ROR2: variants seen among roughly 807,000 people sequenced by gnomAD.
ROR2 encodes ROR family WNT receptor 2.
Under a neutral mutation model 74.9 loss-of-function variants are expected in ROR2, and 33 were observed. The ratio of observed to expected loss-of-function variants is 0.44; its 90% CI spans 0.33 to 0.59. ROR2 has a LOEUF of 0.59. ROR2 is among the 20% of genes least tolerant of loss of function. The probability of loss-of-function intolerance (pLI) is 0.02; values close to 1 mark genes in which losing one functional copy is unlikely to be tolerated. For missense variants in ROR2, 1,216 were observed against 1,313.8 expected (o/e 0.93, Z 1.15); for synonymous variants, 586 against 558.7 (o/e 1.05, Z -0.69).
intron 1 of ROR2, among the ~76,000 whole-genome samples, chr9:91,890,838 T>G (rs538071678): frequency 6.6e-6 from 1 of 152,290 alleles, no homozygotes; most frequent in Non-Finnish European, 1.5e-5. Context: ...TTTTATGGAG[T>G]TAACTAGGCC....
chr9:91,774,885 A>G (rs533586296), intron 2 of ROR2, among the ~76,000 whole-genome samples: 8 of 152,204 alleles, frequency 5.3e-5, no homozygotes, highest in Non-Finnish European at 1.2e-4. Context: ...AGAAGGGTCA[A>G]TTTCTCTGTT....
At chr9:91,893,363 C>T (rs1830469058) in intron 1 of ROR2, among the ~76,000 whole-genome samples, 1 of 152,072 alleles carries the variant, frequency 6.6e-6, no homozygotes, top group African/African-American at 2.4e-5. Context: ...TTGCTTGAAC[C>T]AGGAAGGCGG....
At chr9:91,842,951 T>C (rs1234908615) in intron 1 of ROR2, among the ~76,000 whole-genome samples, 2 of 152,240 alleles carry the variant, frequency 1.3e-5, no homozygotes, top group African/African-American at 4.8e-5. Flanking sequence ...GAGAGCTGCC[T>C]AAACACCCTT....
intron 1 of ROR2, among the ~76,000 whole-genome samples, chr9:91,894,885 A>G (rs755675710): frequency 8.5e-5 from 13 of 152,208 alleles, no homozygotes; most frequent in Non-Finnish European, 1.5e-4. Flanking sequence ...TTTCTTACAA[A>G]GCTAAACACA....
intron 1 of ROR2, among the ~76,000 whole-genome samples, chr9:91,928,064 G>GA (rs1199688248): frequency 6.6e-6 from 1 of 151,964 alleles, no homozygotes; most frequent in African/African-American, 2.4e-5. Context: ...AACCACCCTA[G>GA]AGCCCCACTT....
chr9:91,878,940 G>A (rs1264186417), intron 1 of ROR2, among the ~76,000 whole-genome samples: 8 of 152,166 alleles, frequency 5.3e-5, no homozygotes, highest in African/African-American at 1.7e-4. Context: ...TACTCAGGAG[G>A]CTGAGGCAGG....
At chr9:91,775,591 A>C (rs929680563) in intron 2 of ROR2, 150 bp downstream of exon 2, 7 of 723,712 alleles carry the variant, frequency 9.7e-6, no homozygotes, top group Non-Finnish European at 1.7e-5. Context: ...AAACACAGGA[A>C]TCAAGGTGGC....
chr9:91,884,343 G>A (rs946529099), intron 1 of ROR2, among the ~76,000 whole-genome samples: 1 of 152,026 alleles, frequency 6.6e-6, no homozygotes, highest in Non-Finnish European at 1.5e-5. Context: ...ATGTGTGTTG[G>A]TGGGTACCCC....
intron 1 of ROR2, among the ~76,000 whole-genome samples, chr9:91,922,112 C>A (rs113239938): frequency 1.3e-5 from 2 of 151,086 alleles, no homozygotes; most frequent in African/African-American, 4.8e-5. Context: ...ACAACAACAA[C>A]AACAACAACA....
intron 1 of ROR2, among the ~76,000 whole-genome samples, chr9:91,885,980 T>A (rs574814993): frequency 6.6e-6 from 1 of 151,708 alleles, no homozygotes; most frequent in Admixed American, 6.6e-5. Context: ...TTCAAGCGAT[T>A]TTCCTGCCTC....
At chr9:91,789,008 C>T (rs986223807) in intron 1 of ROR2, among the ~76,000 whole-genome samples, 4 of 151,848 alleles carry the variant, frequency 2.6e-5, no homozygotes, top group African/African-American at 7.3e-5. Context: ...TGGGGGAGGT[C>T]GGTCAATGGG....
At chr9:91,846,552 G>A (rs925450513) in intron 1 of ROR2, among the ~76,000 whole-genome samples, 8 of 152,090 alleles carry the variant, frequency 5.3e-5, no homozygotes, top group African/African-American at 1.9e-4. Flanking sequence ...CAGGGCATCT[G>A]GAGCCTACAG....
At chr9:91,741,383 G>A (rs1198412683) in intron 4 of ROR2, among the ~76,000 whole-genome samples, 2 of 150,818 alleles carry the variant, frequency 1.3e-5, no homozygotes, top group Non-Finnish European at 3.0e-5. Context: ...ACAGGAGAGG[G>A]GTAGGAGATC....
chr9:91,852,625 A>ACACACACACACT (rs1829134839), intron 1 of ROR2, among the ~76,000 whole-genome samples: 1 of 10,740 alleles, frequency 9.3e-5, no homozygotes. Flanking sequence ...AAACACACAA[A>ACACACACACACT]CACACACACA....
chr9:91,933,415 C>T (rs1305281034), intron 1 of ROR2, among the ~76,000 whole-genome samples: 2 of 152,072 alleles, frequency 1.3e-5, no homozygotes, highest in Non-Finnish European at 2.9e-5. Context: ...TCACTACAGA[C>T]CTGTTTCAAG....
At chr9:91,837,134 GCTTA>G (rs1451934401) in intron 1 of ROR2, among the ~76,000 whole-genome samples, 3 of 111,704 alleles carry the variant, frequency 2.7e-5, no homozygotes, top group African/African-American at 1.7e-4. Flanking sequence ...GTTCTGCATT[GCTTA>G]CTGTTTTTTT....
intron 1 of ROR2, among the ~76,000 whole-genome samples, chr9:91,936,322 C>T (rs1210106730): frequency 6.6e-6 from 1 of 152,160 alleles, no homozygotes; most frequent in East Asian, 1.9e-4. Context: ...CAGGAGTTGG[C>T]AGGGTTGGCT....
At chr9:91,868,240 A>C (rs979052321) in intron 1 of ROR2, among the ~76,000 whole-genome samples, 3 of 152,190 alleles carry the variant, frequency 2.0e-5, no homozygotes, top group Non-Finnish European at 4.4e-5. Flanking sequence ...AAAAACCTCA[A>C]TGAAAGGGAT....
chr9:91,755,985 G>T, intron 4 of ROR2, 86 bp downstream of exon 4: 2 of 1,446,212 alleles, frequency 1.4e-6, no homozygotes, highest in South Asian at 2.3e-5. Flanking sequence ...GCAAAGACAT[G>T]AGCTGGCAGG....
Sources: allele counts gnomAD v4.1 joint callset (sites outside exome capture counted in the v4.1 genomes callset), GRCh38; gene constraint gnomAD v4.1.1; transcripts MANE v1.5; gene names NCBI Gene and HGNC (gene_info 2026-07-23, HGNC 2026-07-21).